CAMSAP1: variants seen among roughly 807,000 people sequenced by gnomAD.
The protein encoded by CAMSAP1 is calmodulin-regulated spectrin-associated protein 1.
CAMSAP1 carries 58 observed loss-of-function variants against 143.5 expected under a neutral mutation model. That is an observed-to-expected ratio of 0.40 (90% CI 0.33 to 0.50). CAMSAP1 has a LOEUF of 0.50. Among genes scored for constraint, CAMSAP1 ranks in the 20% least tolerant of loss-of-function variants. CAMSAP1 has a pLI of 0.45. For missense variants in CAMSAP1, 1,969 were observed against 2,115.7 expected (o/e 0.93, Z 1.36); for synonymous variants, 945 against 859.3 (o/e 1.10, Z -1.74).
intron 1 of CAMSAP1, among the ~76,000 whole-genome samples, chr9:135,889,763 G>A (rs1477166963): frequency 3.9e-5 from 6 of 152,190 alleles, no homozygotes; most frequent in Admixed American, 3.9e-4. Context: ...GGAGCGCATG[G>A]GATGGTTAGA....
At chr9:135,874,787 T>C (rs1028680913) in intron 3 of CAMSAP1, among the ~76,000 whole-genome samples, 1 of 152,184 alleles carries the variant, frequency 6.6e-6, no homozygotes, top group African/African-American at 2.4e-5. Flanking sequence ...ATTTTCTCAA[T>C]GCCACTAGAA....
At chr9:135,833,138 G>A (rs1036720810) in intron 7 of CAMSAP1, among the ~76,000 whole-genome samples, 1 of 144,396 alleles carries the variant, frequency 6.9e-6, no homozygotes, top group Non-Finnish European at 1.5e-5. Flanking sequence ...CTGGAGTGCA[G>A]TGGCGCGATC....
chr9:135,817,559 CT>C (rs1172665051), intron 14 of CAMSAP1, among the ~76,000 whole-genome samples: 3 of 151,490 alleles, frequency 2.0e-5, no homozygotes, highest in Admixed American at 6.6e-5. Flanking sequence ...ACCCAGCTAA[CT>C]TTTTTTTGTA....
chr9:135,879,417 G>A (rs541805893), intron 3 of CAMSAP1, among the ~76,000 whole-genome samples: 15 of 151,922 alleles, frequency 9.9e-5, no homozygotes, highest in Non-Finnish European at 1.6e-4. Flanking sequence ...AAAAAAATAC[G>A]GGCAAAGATA....
At chr9:135,876,579 G>C (rs372607719) in intron 3 of CAMSAP1, among the ~76,000 whole-genome samples, 1 of 151,992 alleles carries the variant, frequency 6.6e-6, no homozygotes, top group African/African-American at 2.4e-5. Flanking sequence ...TCTTGCTAGC[G>C]GGAGTTCTAA....
At chr9:135,836,509 C>T (rs967806329) in intron 7 of CAMSAP1, 3 of 983,042 alleles carry the variant, frequency 3.1e-6, no homozygotes, top group South Asian at 4.7e-5. Flanking sequence ...TCACCACGCA[C>T]TTTCCACCCA....
chr9:135,832,113 G>A (rs1295290294), intron 7 of CAMSAP1, among the ~76,000 whole-genome samples: 2 of 152,112 alleles, frequency 1.3e-5, no homozygotes, highest in Non-Finnish European at 2.9e-5. Flanking sequence ...ATAGACACCA[G>A]AAGGAAAGAA....
intron 1 of CAMSAP1, among the ~76,000 whole-genome samples, chr9:135,900,638 T>G (rs1267892088): frequency 1.3e-5 from 2 of 151,728 alleles, no homozygotes; most frequent in Non-Finnish European, 1.5e-5. Context: ...GAGCTTGCAG[T>G]GAGCCAAGAT....
At chr9:135,815,067 T>G (rs755062849) in intron 16 of CAMSAP1, 30 bp downstream of exon 16, 3 of 1,490,494 alleles carry the variant, frequency 2.0e-6, no homozygotes, top group Non-Finnish European at 2.8e-6. Flanking sequence ...TTATTCCACA[T>G]AAAAACTGAG....
chr9:135,861,806 G>A (rs1837202128), intron 5 of CAMSAP1, among the ~76,000 whole-genome samples: 1 of 152,284 alleles, frequency 6.6e-6, no homozygotes, highest in South Asian at 2.1e-4. Flanking sequence ...ATGGGGCTTA[G>A]CAAAACCTAA....
chr9:135,845,039 T>C (rs1836502157), intron 7 of CAMSAP1, among the ~76,000 whole-genome samples: 1 of 152,166 alleles, frequency 6.6e-6, no homozygotes, highest in Non-Finnish European at 1.5e-5. Flanking sequence ...ATCATCGTGA[T>C]ACCAAAACCC....
At chr9:135,838,367 ATGT>A (rs142861508) in intron 7 of CAMSAP1, among the ~76,000 whole-genome samples, 5 of 113,246 alleles carry the variant, frequency 4.4e-5, no homozygotes, top group East Asian at 4.6e-4. Context: ...CTACAGACAC[ATGT>A]CATCACGCAC....
At chr9:135,813,811 G>A (rs1835135700) in intron 16 of CAMSAP1, among the ~76,000 whole-genome samples, 1 of 152,250 alleles carries the variant, frequency 6.6e-6, no homozygotes, top group Admixed American at 6.5e-5. Flanking sequence ...ACACTGGGCA[G>A]GGAGTGTGCC....
At chr9:135,904,964 C>CA (rs1299738351) in intron 1 of CAMSAP1, among the ~76,000 whole-genome samples, 1,760 of 107,728 alleles carry the variant, frequency 0.016, 14 homozygotes, top group Middle Eastern at 0.039. Flanking sequence ...GACTCCGTCT[C>CA]AAAAAAAAAA....
At chr9:135,831,108 G>C (rs868272686) in intron 7 of CAMSAP1, among the ~76,000 whole-genome samples, 1 of 152,148 alleles carries the variant, frequency 6.6e-6, no homozygotes, top group African/African-American at 2.4e-5. Context: ...GGAGGCGGAG[G>C]CTGCAGTGAG....
intron 1 of CAMSAP1, among the ~76,000 whole-genome samples, chr9:135,886,801 C>T (rs1838137996): frequency 6.6e-6 from 1 of 152,236 alleles, no homozygotes; most frequent in Admixed American, 6.5e-5. Context: ...CTGACACAGG[C>T]AGGCAGCCCC....
At chr9:135,829,927 T>C (rs1835801832) in intron 7 of CAMSAP1, among the ~76,000 whole-genome samples, 1 of 152,104 alleles carries the variant, frequency 6.6e-6, no homozygotes, top group African/African-American at 2.4e-5. Flanking sequence ...AATAGTTATG[T>C]ATGGTGGCAT....
chr9:135,906,599 C>T (rs1032758282), intron 1 of CAMSAP1, among the ~76,000 whole-genome samples: 2 of 152,248 alleles, frequency 1.3e-5, no homozygotes, highest in Non-Finnish European at 2.9e-5. Flanking sequence ...GGCTCGGAAT[C>T]ACAGGTCCAG....
chr9:135,904,920 G>C (rs768764375), intron 1 of CAMSAP1, among the ~76,000 whole-genome samples: 1 of 151,498 alleles, frequency 6.6e-6, no homozygotes, highest in African/African-American at 2.4e-5. Context: ...AGCTGAGGTC[G>C]CGTCACTGCA....
Sources: gnomAD v4.1 joint callset for allele counts (sites outside exome capture counted in the v4.1 genomes callset) on GRCh38, gnomAD v4.1.1 for gene constraint, MANE v1.5 for transcripts, NCBI Gene and HGNC (gene_info 2026-07-23, HGNC 2026-07-21) for gene names.